Variants in GPM6A observed in about 807,000 individuals in gnomAD.
GPM6A encodes glycoprotein M6A.
A neutral mutation model predicts 32.1 loss-of-function variants in GPM6A; 7 were observed. The observed-to-expected ratio is 0.22, with a 90% CI of 0.12 to 0.41. GPM6A has a LOEUF of 0.41. Among genes scored for constraint, GPM6A ranks in the 10% least tolerant of loss-of-function variants. The probability of loss-of-function intolerance (pLI) is 1.00; values close to 1 mark genes in which losing one functional copy is unlikely to be tolerated. For synonymous variants in GPM6A, 130 were observed against 123.4 expected (o/e 1.05, Z -0.35); for missense variants, 235 against 347.2 (o/e 0.68, Z 2.57).
At chr4:175,997,544 C>T (rs1579697775) in intron 1 of GPM6A, among the ~76,000 whole-genome samples, 2 of 151,636 alleles carry the variant, frequency 1.3e-5, no homozygotes, top group African/African-American at 2.4e-5. Flanking sequence ...TCTCATCAAA[C>T]AAATGAGGAA....
chr4:175,947,213 T>C (rs1739637823), intron 1 of GPM6A, among the ~76,000 whole-genome samples: 1 of 151,962 alleles, frequency 6.6e-6, no homozygotes, highest in Non-Finnish European at 1.5e-5. Flanking sequence ...CTAGCTCGAA[T>C]TTCCTCAATA....
At chr4:175,754,274 C>CT (rs1300649725) in intron 1 of GPM6A, among the ~76,000 whole-genome samples, 1 of 151,896 alleles carries the variant, frequency 6.6e-6, no homozygotes, top group African/African-American at 2.4e-5. Flanking sequence ...AGTTAGTTGG[C>CT]TTAAGTGACA....
At chr4:175,921,777 G>A (rs1301396229) in intron 1 of GPM6A, among the ~76,000 whole-genome samples, 1 of 152,112 alleles carries the variant, frequency 6.6e-6, no homozygotes. Context: ...CTTTGTTTTT[G>A]GAGTGGAATT....
chr4:175,809,252 A>G (rs1339790926), intron 1 of GPM6A, among the ~76,000 whole-genome samples: 2 of 152,046 alleles, frequency 1.3e-5, no homozygotes, highest in Admixed American at 6.6e-5. Context: ...ACTTTGCTCA[A>G]CCCCTCTGTA....
chr4:175,828,067 C>A (rs1362144886), intron 1 of GPM6A, among the ~76,000 whole-genome samples: 2 of 152,070 alleles, frequency 1.3e-5, no homozygotes, highest in African/African-American at 4.8e-5. Context: ...ATAAATAGGT[C>A]TTTTTCCCTA....
chr4:175,806,649 G>A (rs970600445), intron 1 of GPM6A, among the ~76,000 whole-genome samples: 12 of 152,150 alleles, frequency 7.9e-5, no homozygotes, highest in African/African-American at 2.7e-4. Flanking sequence ...GAAGTTCTAC[G>A]AATATCTATT....
intron 1 of GPM6A, among the ~76,000 whole-genome samples, chr4:175,923,819 G>A (rs1738748002): frequency 6.6e-6 from 1 of 152,114 alleles, no homozygotes; most frequent in African/African-American, 2.4e-5. Flanking sequence ...CTCCCAAAGT[G>A]CTGGGATTAC....
upstream of GPM6A, among the ~76,000 whole-genome samples, chr4:175,813,608 A>T (rs1735011739): frequency 6.6e-6 from 1 of 152,000 alleles, no homozygotes; most frequent in African/African-American, 2.4e-5. Flanking sequence ...ACACACACAG[A>T]CATAACTGTA....
chr4:175,891,824 A>T (rs950371654), intron 1 of GPM6A: 1 of 152,248 alleles, frequency 6.6e-6, no homozygotes, highest in Admixed American at 6.5e-5. Flanking sequence ...TGAAGCTTCA[A>T]CTCATAATTT....
chr4:175,945,753 C>T (rs76925487), intron 1 of GPM6A, among the ~76,000 whole-genome samples: 1 of 141,682 alleles, frequency 7.1e-6, no homozygotes, highest in African/African-American at 2.6e-5. Context: ...ACTTACAACT[C>T]AGTAATACGG....
At chr4:175,976,740 G>A (rs1286304652) in intron 1 of GPM6A, among the ~76,000 whole-genome samples, 2 of 152,156 alleles carry the variant, frequency 1.3e-5, no homozygotes, top group Admixed American at 6.5e-5. Flanking sequence ...AGGCAGTCCC[G>A]TGGAGCTCTC....
At chr4:175,867,588 T>C (rs1264046808) in intron 1 of GPM6A, among the ~76,000 whole-genome samples, 1 of 152,236 alleles carries the variant, frequency 6.6e-6, no homozygotes, top group Non-Finnish European at 1.5e-5. Flanking sequence ...CTGGGCTCTC[T>C]ATTCTGTTCC....
chr4:175,653,077 C>T (rs1741893777), intron 3 of GPM6A, among the ~76,000 whole-genome samples: 1 of 152,064 alleles, frequency 6.6e-6, no homozygotes, highest in South Asian at 2.1e-4. Context: ...TTTTACCCCA[C>T]GATTTAGGTG....
intron 1 of GPM6A, among the ~76,000 whole-genome samples, chr4:175,823,031 C>A (rs1049997490): frequency 6.6e-6 from 1 of 151,944 alleles, no homozygotes; most frequent in Non-Finnish European, 1.5e-5. Context: ...ATTGGGCTGG[C>A]GATTTTTATA....
At chr4:175,959,823 T>C (rs139668710) in intron 1 of GPM6A, among the ~76,000 whole-genome samples, 69 of 152,266 alleles carry the variant, frequency 4.5e-4, no homozygotes, top group African/African-American at 1.6e-3. Context: ...GGGTTATAAA[T>C]AGAGGAGGGC....
At chr4:175,774,353 A>T (rs936446337) in intron 1 of GPM6A, among the ~76,000 whole-genome samples, 2 of 152,264 alleles carry the variant, frequency 1.3e-5, no homozygotes, top group South Asian at 2.1e-4. Flanking sequence ...ATTTAAAAAC[A>T]TTAATAAGCA....
intron 1 of GPM6A, among the ~76,000 whole-genome samples, chr4:175,911,004 C>A (rs1408116731): frequency 6.6e-5 from 10 of 152,128 alleles, no homozygotes; most frequent in Non-Finnish European, 2.9e-5. Flanking sequence ...ATGACCCTTG[C>A]TGGCTCACTC....
intron 6 of GPM6A, among the ~76,000 whole-genome samples, chr4:175,637,274 T>A (rs28780680): frequency 1.4e-5 from 1 of 69,654 alleles, no homozygotes; most frequent in Non-Finnish European, 2.7e-5. Context: ...ATATTATATA[T>A]TATATATTAT....
rs913794819 is a variant in GPM6A at position 175,734,123 on chromosome 4, T to C, written c.38-32356A>G. On this transcript the variant is annotated intron_variant, in intron 1 of 6. Coordinates refer to ENST00000393658, the MANE Select transcript of GPM6A (RefSeq NM_201591.3). ...TATATTCAATCTGAAACCAGGTTGT[T>C]TTAATTTTTGCCATATATATATATA... Among the ~76,000 whole-genome samples, 10 of 128,126 alleles carry C rather than the reference T, an allele frequency of 7.8e-5. No homozygotes were observed. The South Asian group carries it at 2.6e-3, about 33-fold the overall frequency. The allele number at this position is 128,126 out of a possible 152,430, so 84.1% of individuals were successfully genotyped here. A position where few individuals can be genotyped will look rare whatever the true frequency, so the allele number is the denominator to read the frequency against.
Sources: gnomAD v4.1 joint callset for allele counts (sites outside exome capture counted in the v4.1 genomes callset) on GRCh38, gnomAD v4.1.1 for gene constraint, MANE v1.5 for transcripts, NCBI Gene and HGNC (gene_info 2026-07-23, HGNC 2026-07-21) for gene names.